Variants in ATP8B1 observed in about 807,000 individuals in gnomAD.
ATP8B1 encodes the protein ATPase phospholipid transporting 8B1.
In ATP8B1, 80 loss-of-function variants were observed where a neutral mutation model predicts 149.9. The ratio of observed to expected loss-of-function variants is 0.53; its 90% CI spans 0.45 to 0.64. The LOEUF (loss-of-function observed/expected upper bound fraction) is 0.64. Among genes scored for constraint, ATP8B1 ranks in the 30% least tolerant of loss-of-function variants. The pLI, the probability that ATP8B1 is intolerant of heterozygous loss-of-function variation, is 0.00. For missense variants in ATP8B1, 1,247 were observed against 1,552.6 expected, an observed-to-expected ratio of 0.80 and a Z score of 3.31; for synonymous variants, 536 against 562.8, an observed-to-expected ratio of 0.95 and a Z score of 0.67.
In ATP8B1 at chr18:57,671,624, T is replaced by TA. The variant is rs541323983; in HGVS notation, c.1820-45_1820-44insT. On this transcript the variant is annotated intron_variant, in intron 16 of 27. Coordinates refer to ENST00000648908, the MANE Select transcript of ATP8B1 (RefSeq NM_001374385.1). ...AATAAACACAACAAAGTTTGATTTTTTATATATATATTTTTTGAGACAGGG... is the reference window on the plus strand; with the variant it reads ...AATAAACACAACAAAGTTTGATTTTTATATATATATATTTTTTGAGACAGGG... The TA allele has an allele frequency of 1.5e-4, 205 of 1,348,660 alleles. 1 individual carries two copies. The Admixed American group carries it at 3.1e-3, about 21-fold the overall frequency. 83.5% of individuals were successfully genotyped at this position (1,348,660 alleles called of 1,614,324 possible). A position where few individuals can be genotyped will look rare whatever the true frequency, so the allele number is the denominator to read the frequency against.
At chr18:57,732,076 G>T in intron 1 of ATP8B1, 7 of 338,362 alleles carry the variant, frequency 2.1e-5, no homozygotes, top group South Asian at 2.4e-5. Flanking sequence ...TTTAAACAAG[G>T]GTATATATAT....
chr18:57,658,627 TTGTGTGTGTGTGTGTGTGTGTGTGTG>T (rs71171058), intron 22 of ATP8B1, among the ~76,000 whole-genome samples: 1 of 144,988 alleles, frequency 6.9e-6, no homozygotes, highest in Admixed American at 7.0e-5. Flanking sequence ...AACAATTTCT[TTGTGTGTGTGTGTGTGTGTGTGTGTG>T]TGTGTGTGTG....
At position 57,661,186 on chromosome 18, in the gene ATP8B1, T is replaced by G. The variant is rs1910370972; in HGVS notation, c.2695A>C (p.Asn899His). ...LAIGDGANDV[N>H]MIKTAHIGVG... is the part of the protein sequence containing the mutation. ...GTGCATGACTCACTTTTGATCATGT[T>G]CACGTCATTGGCCCCATCTCCGATG... The change falls in exon 22 of 28, where the codon AAC becomes CAC. Residue 899 changes from asparagine to histidine, a missense_variant. Around this residue, in one of 3 missense-constraint regions of ATP8B1, gnomAD observed 230 missense variants for 356.6 expected, o/e 0.65. Coordinates refer to ENST00000648908, the MANE Select transcript of ATP8B1 (RefSeq NM_001374385.1). 2 of 1,613,770 alleles carry G rather than the reference T, an allele frequency of 1.2e-6. No homozygotes were observed. Among genetic ancestry groups the G allele is most frequent in the South Asian group, 2.2e-5 (2 of 91,094 alleles).
At chr18:57,675,982 A>G (rs1265978440) in intron 15 of ATP8B1, among the ~76,000 whole-genome samples, 3 of 152,162 alleles carry the variant, frequency 2.0e-5, no homozygotes, top group Non-Finnish European at 4.4e-5. Flanking sequence ...TTCGGATTAC[A>G]GGCATGAGCC....
At chr18:57,798,579 G>A (rs1199089004) in intron 1 of ATP8B1, among the ~76,000 whole-genome samples, 2 of 152,144 alleles carry the variant, frequency 1.3e-5, no homozygotes, top group African/African-American at 4.8e-5. Context: ...CTGGGTGACA[G>A]AGCAAGACCC....
intron 2 of ATP8B1, among the ~76,000 whole-genome samples, chr18:57,721,025 A>C (rs1314360653): frequency 2.5e-5 from 3 of 119,276 alleles, no homozygotes; most frequent in Non-Finnish European, 5.4e-5. Context: ...GAAATCAAAT[A>C]CTTTACAGAC....
At chr18:57,782,284 G>A (rs2663842) in intron 1 of ATP8B1, among the ~76,000 whole-genome samples, 106,184 of 152,198 alleles carry the variant, frequency 0.7, 37,469 homozygotes, top group African/African-American at 0.77. Flanking sequence ...AATTAAGTAA[G>A]ACTCATCAAG....
At chr18:57,682,480 A>G (rs1362970170) in intron 15 of ATP8B1, among the ~76,000 whole-genome samples, 1 of 152,214 alleles carries the variant, frequency 6.6e-6, no homozygotes, top group African/African-American at 2.4e-5. Context: ...ACATTTGCCT[A>G]AGTTGGCCAG....
At chr18:57,657,392 A>T (rs1250482624) in intron 22 of ATP8B1, among the ~76,000 whole-genome samples, 1 of 152,208 alleles carries the variant, frequency 6.6e-6, no homozygotes, top group Non-Finnish European at 1.5e-5. Flanking sequence ...ATGTGAAGAT[A>T]GACAAGATCA....
Position 57,780,682 on chromosome 18 carries a change from T to G in ATP8B1, c.-26+22316A>C, listed in dbSNP as rs542225098. 1.4e-4 allele frequency among the ~76,000 whole-genome samples: 21 copies of G among 152,338 alleles called. No individual in the cohort carries two copies. In the South Asian group the frequency reaches 4.1e-3, roughly 30 times the overall value. ...TTCAATCATTTTGCAGCCTTCAAAA[T>G]CTCTCAGTTGGCTTCAACCAAGAGG... On this transcript the variant is annotated intron_variant, in intron 1 of 27. Transcript: ENST00000648908.
At chr18:57,702,857 C>CAA (rs34058171) in intron 4 of ATP8B1, among the ~76,000 whole-genome samples, 6 of 125,102 alleles carry the variant, frequency 4.8e-5, no homozygotes, top group African/African-American at 1.2e-4. Context: ...AACTCCATCT[C>CAA]AAAAAAAAAA....
chr18:57,705,449 C>A (rs115915853), intron 3 of ATP8B1, among the ~76,000 whole-genome samples: 573 of 152,256 alleles, frequency 3.8e-3, no homozygotes, highest in African/African-American at 0.013. Context: ...GAAATAGGAT[C>A]TTCGCAGAGA....
chr18:57,795,054 A>G (rs2080499904), intron 1 of ATP8B1, among the ~76,000 whole-genome samples: 1 of 152,202 alleles, frequency 6.6e-6, no homozygotes, highest in African/African-American at 2.4e-5. Context: ...AAAAACTGAC[A>G]TGAACAAACA....
chr18:57,703,705 A>C (rs1913243950), intron 4 of ATP8B1, among the ~76,000 whole-genome samples: 1 of 152,162 alleles, frequency 6.6e-6, no homozygotes, highest in Non-Finnish European at 1.5e-5. Flanking sequence ...CCTCGGTTAC[A>C]GCAACAGTTC....
At chr18:57,668,241 G>C in intron 19 of ATP8B1, 188 bp downstream of exon 19, 1 of 1,423,754 alleles carries the variant, frequency 7.0e-7, no homozygotes, top group Non-Finnish European at 9.4e-7. Context: ...CTACTGAGGG[G>C]GATCAGGAAA....
intron 1 of ATP8B1, among the ~76,000 whole-genome samples, chr18:57,749,141 C>A (rs2079992776): frequency 6.6e-6 from 1 of 152,170 alleles, no homozygotes; most frequent in South Asian, 2.1e-4. Flanking sequence ...GTGATATTTT[C>A]TCCTCCCAAT....
At chr18:57,758,368 C>T (rs193038542) in intron 1 of ATP8B1, among the ~76,000 whole-genome samples, 3 of 152,104 alleles carry the variant, frequency 2.0e-5, no homozygotes, top group East Asian at 1.9e-4. Flanking sequence ...AGGCCAGGCG[C>T]GGTGCCTCAC....
chr18:57,713,474 T>A (rs879619743), intron 2 of ATP8B1, among the ~76,000 whole-genome samples: 19 of 148,860 alleles, frequency 1.3e-4, no homozygotes, highest in African/African-American at 3.0e-4. Flanking sequence ...TTTTTAAAAA[T>A]TTTTTATTTT....
At position 57,794,948 on chromosome 18, in the gene ATP8B1, C is replaced by T. The variant is rs80190847; in HGVS notation, c.-26+8050G>A. ...TCCCTGCATTCTTATTTCCATGCTA[C>T]TCTGGAGGAAAGCATGGTAATAAAT... On this transcript the variant is annotated intron_variant, in intron 1 of 27. Transcript: ENST00000648908. Among the ~76,000 whole-genome samples, 603 of 152,296 alleles carry T rather than the reference C, an allele frequency of 4.0e-3. 6 individuals are homozygous for T. The highest frequency in any genetic ancestry group is 0.014 in the African/African-American group (579 of 41,570).
Sources: gnomAD v4.1 joint callset for allele counts (sites outside exome capture counted in the v4.1 genomes callset) on GRCh38, gnomAD v4.1.1 for gene constraint, gnomAD v4.1.1 regional missense constraint, MANE v1.5 for transcripts, NCBI Gene and HGNC (gene_info 2026-07-23, HGNC 2026-07-21) for gene names.